Variants in SEPTIN3 observed in about 807,000 individuals in gnomAD.
SEPTIN3 encodes septin 3.
SEPTIN3 carries 15 observed loss-of-function variants against 45.1 expected under a neutral mutation model. That is an observed-to-expected ratio of 0.33 (90% CI 0.22 to 0.51). The LOEUF (loss-of-function observed/expected upper bound fraction) is 0.51. Ranked by LOEUF, SEPTIN3 falls within the 20% of genes least tolerant of loss-of-function variation. SEPTIN3 has a pLI of 0.97. For synonymous variants in SEPTIN3, 148 were observed against 164.8 expected, an observed-to-expected ratio of 0.90 and a Z score of 0.78; for missense variants, 289 against 457.2, an observed-to-expected ratio of 0.63 and a Z score of 3.35.
In SEPTIN3 at chr22:41,994,234, T is replaced by G; in HGVS notation, c.2360-56T>G. ...CCCAAACAGAAGCTCACCTCCTGGG[T>G]GTTGCTGTATTAATGAACTGACTAC... is the stretch of plus-strand genomic sequence containing the variant. On this transcript the variant is annotated intron_variant, in intron 9 of 11. Coordinates refer to ENST00000644076, the MANE Select transcript of SEPTIN3 (RefSeq NM_001363845.2). The surrounding 1 kb of genome is among the most constrained non-coding windows in gnomAD (Gnocchi z 4.2). 6.5e-7 allele frequency: 1 copy of G among 1,541,000 alleles called. No individual in the cohort carries two copies. Among genetic ancestry groups the G allele is most frequent in the Non-Finnish European group, 8.9e-7 (1 of 1,118,312 alleles).
intron 2 of SEPTIN3, among the ~76,000 whole-genome samples, chr22:41,979,629 C>A (rs572030629): frequency 6.6e-6 from 1 of 152,186 alleles, no homozygotes; most frequent in South Asian, 2.1e-4. Flanking sequence ...TGCTGCCATG[C>A]GGAGCTGCCT....
In SEPTIN3 at chr22:41,971,938, C is replaced by T. The variant is rs750760437; in HGVS notation, c.446C>T (p.Ser149Leu). 3.5e-5 allele frequency: 14 copies of T among 399,004 alleles called. No individual in the cohort carries two copies. The highest frequency in any genetic ancestry group is 2.5e-4 in the African/African-American group (12 of 48,618). The allele number at this position is 399,004 out of a possible 1,614,324, so 24.7% of individuals were successfully genotyped here. A position where few individuals can be genotyped will look rare whatever the true frequency, so the allele number is the denominator to read the frequency against. The change falls in exon 2 of 12, where the codon TCG becomes TTG. Residue 149 changes from serine (S) to leucine (L), a missense_variant. Physicochemically the swap from Ser to Leu is moderately radical, Grantham distance 145. Coordinates refer to ENST00000644076, the MANE Select transcript of SEPTIN3 (RefSeq NM_001363845.2). ...CCCCATGAAGGAGGGAGGGTGTCCTCGCCAGGCTCGCCACCTGTGACCCTA... is the reference window on the plus strand; with the variant it reads ...CCCCATGAAGGAGGGAGGGTGTCCTTGCCAGGCTCGCCACCTGTGACCCTA... ...AAPHEGGRVS[S>L]PGSPPVTLVP...
At chr22:41,993,822 C>G (rs1163362376) in intron 9 of SEPTIN3, among the ~76,000 whole-genome samples, 2 of 152,172 alleles carry the variant, frequency 1.3e-5, no homozygotes, top group African/African-American at 4.8e-5. Flanking sequence ...TCTGTTCCAA[C>G]AGTGCTTGGC....
intron 1 of SEPTIN3, among the ~76,000 whole-genome samples, chr22:41,971,036 G>A (rs1007759579): frequency 2.0e-5 from 3 of 152,092 alleles, no homozygotes; most frequent in African/African-American, 4.8e-5. Context: ...ACAGCCCTTT[G>A]GTTCTTTCTG....
In SEPTIN3 at chr22:41,972,798, G is replaced by T. The variant is rs543416976; in HGVS notation, c.1306G>T (p.Gly436Cys). ...CACAAGCAGGATGGGCACAGCTGTG[G>T]GTTCAGTTGTGCCAGTAACCCCAGA... Reference protein sequence around the residue: ...LDTSRMGTAVGSVVPVTPDPA... With the variant: ...LDTSRMGTAVCSVVPVTPDPA... The change falls in exon 2 of 12, where the codon GGT becomes TGT. Residue 436 changes from glycine (G) to cysteine (C), a missense_variant. Gly to Cys is a radical substitution (Grantham distance 159, BLOSUM62 -3). Coordinates refer to ENST00000644076, the MANE Select transcript of SEPTIN3 (RefSeq NM_001363845.2). The T allele has an allele frequency of 5.0e-6, 2 of 399,128 alleles. No homozygotes were observed. The highest frequency in any genetic ancestry group is 2.5e-4 in the South Asian group (2 of 7,848). 24.7% of individuals were successfully genotyped at this position (399,128 alleles called of 1,614,324 possible). A position where few individuals can be genotyped will look rare whatever the true frequency, so the allele number is the denominator to read the frequency against.
At chr22:41,970,245 C>G (rs886718477) in intron 1 of SEPTIN3, among the ~76,000 whole-genome samples, 1 of 152,122 alleles carries the variant, frequency 6.6e-6, no homozygotes, top group African/African-American at 2.4e-5. Context: ...GGGTGAGTTA[C>G]TTGGAGTCCA....
At position 41,997,121 on chromosome 22, in the gene SEPTIN3, T is replaced by C; in HGVS notation, c.*154T>C. The stretch of plus-strand genomic sequence containing the variant: ...GGGCCAGCTGCCTCTTTAGGCCAGT[T>C]GCATCCTCCATTTATCCAAACCACT... On this transcript the variant is annotated 3_prime_UTR_variant, in exon 12 of 12. Coordinates refer to ENST00000644076, the MANE Select transcript of SEPTIN3 (RefSeq NM_001363845.2). The C allele has an allele frequency of 7.1e-7, 1 of 1,399,010 alleles. No homozygotes were observed. The highest frequency in any genetic ancestry group is 9.6e-7 in the Non-Finnish European group (1 of 1,042,100). 86.7% of individuals were successfully genotyped at this position (1,399,010 alleles called of 1,614,324 possible). A position where few individuals can be genotyped will look rare whatever the true frequency, so the allele number is the denominator to read the frequency against.
chr22:41,985,973 C>G lies in SEPTIN3; in HGVS notation c.1697-11C>G. On this transcript the variant is annotated splice_polypyrimidine_tract_variant and intron_variant, in intron 3 of 11. Transcript: ENST00000644076. ...AGAGTCTCCCTACCTCCTCCTCCTG[C>G]TTTGCTGTAGGCCAGAGTGGACTGG... The G allele has an allele frequency of 6.2e-7, 1 of 1,600,616 alleles. No individual in the cohort carries two copies. The highest frequency in any genetic ancestry group is 8.5e-7 in the Non-Finnish European group (1 of 1,173,268).
At chr22:41,996,744 A>G in intron 11 of SEPTIN3, 158 bp from the exon 12 acceptor site, 1 of 1,504,828 alleles carries the variant, frequency 6.6e-7, no homozygotes. Flanking sequence ...CAGCAGGGGA[A>G]GATCTATGGG....
At chr22:41,974,823 C>T (rs2077999525) in intron 2 of SEPTIN3, among the ~76,000 whole-genome samples, 1 of 140,096 alleles carries the variant, frequency 7.1e-6, no homozygotes, top group Non-Finnish European at 1.5e-5. Context: ...TCACTGCACT[C>T]CAGCCTGAGC....
At chr22:41,987,544 A>G (rs936228597) in intron 5 of SEPTIN3, 78 bp from the exon 6 acceptor site, 1 of 1,502,408 alleles carries the variant, frequency 6.7e-7, no homozygotes, top group African/African-American at 1.4e-5. Context: ...ATGTAAGGAG[A>G]TTGCTACCAG....
chr22:41,977,165 C>G, intron 2 of SEPTIN3: 1 of 1,351,854 alleles, frequency 7.4e-7, no homozygotes, highest in Non-Finnish European at 1.0e-6. Context: ...GGAGGGTTTC[C>G]GCGCCGAGGA....
chr22:41,977,571 A>T (rs564774255), intron 2 of SEPTIN3, among the ~76,000 whole-genome samples: 1 of 151,168 alleles, frequency 6.6e-6, no homozygotes, highest in South Asian at 2.1e-4. Flanking sequence ...AAGGACCGAG[A>T]GAGCTTTCGT....
At chr22:41,974,030 C>A (rs116388761) in intron 2 of SEPTIN3, among the ~76,000 whole-genome samples, 4,242 of 151,550 alleles carry the variant, frequency 0.028, 203 homozygotes, top group African/African-American at 0.097. Flanking sequence ...GGCATGGTGG[C>A]ATGCATCTGT....
chr22:41,987,544 A>T (rs936228597), intron 5 of SEPTIN3, 78 bp from the exon 6 acceptor site: 1 of 1,502,526 alleles, frequency 6.7e-7, no homozygotes. Context: ...ATGTAAGGAG[A>T]TTGCTACCAG....
chr22:41,992,248 G>T (rs929607535), intron 8 of SEPTIN3, among the ~76,000 whole-genome samples: 1 of 152,024 alleles, frequency 6.6e-6, no homozygotes, highest in Non-Finnish European at 1.5e-5. Flanking sequence ...GCATGGTGGC[G>T]CATGCCTGTA....
intron 5 of SEPTIN3, 84 bp from the exon 6 acceptor site, chr22:41,987,538 A>G: frequency 6.8e-7 from 1 of 1,477,530 alleles, no homozygotes; most frequent in Non-Finnish European, 9.3e-7. Flanking sequence ...ACATGAATGT[A>G]AGGAGATTGC....
At chr22:41,970,119 A>C (rs2077944347) in intron 1 of SEPTIN3, among the ~76,000 whole-genome samples, 1 of 150,296 alleles carries the variant, frequency 6.7e-6, no homozygotes, top group Non-Finnish European at 1.5e-5. Flanking sequence ...CTACATGATC[A>C]CTCCCCTCCC....
rs146208980 is a variant in SEPTIN3, at chr22:41,972,487, C to T, written c.995C>T (p.Pro332Leu). ...TTGGCTACAGCAGGCACAATCAAGC[C>T]GGGCACAGCCATGAATCTGACTACA... The part of the protein sequence containing the change: ...VNLATAGTIK[P>L]GTAMNLTTVG... The change falls in exon 2 of 12, where the codon CCG becomes CTG. Residue 332 changes from proline to leucine, a missense_variant. Physicochemically the swap from Pro to Leu is moderately conservative, Grantham distance 98 (BLOSUM62 -3). This residue lies in a region of SEPTIN3 where 200 missense variants were observed against 315.1 expected (regional missense o/e 0.63). Transcript: ENST00000644076. 1.4e-3 allele frequency: 567 copies of T among 399,036 alleles called. 3 individuals are homozygous for T. Among genetic ancestry groups the T allele is most frequent in the African/African-American group, 9.4e-3 (460 of 48,726 alleles). The allele number at this position is 399,036 out of a possible 1,614,324, so 24.7% of individuals were successfully genotyped here. A position where few individuals can be genotyped will look rare whatever the true frequency, so the allele number is the denominator to read the frequency against.
Sources: allele counts gnomAD v4.1 joint callset (sites outside exome capture counted in the v4.1 genomes callset), GRCh38; gene constraint gnomAD v4.1.1; regional missense constraint gnomAD v4.1.1; non-coding constraint Gnocchi (gnomAD v3.1); transcripts MANE v1.5; gene names NCBI Gene and HGNC (gene_info 2026-07-23, HGNC 2026-07-21).